NEB: variants seen among roughly 807,000 people sequenced by gnomAD.
NEB encodes nebulin, also known as nemaline myopathy type 2.
Under a neutral mutation model 952.2 loss-of-function variants are expected in NEB, and 512 were observed. That is an observed-to-expected ratio of 0.54 (90% confidence interval 0.50 to 0.58). The LOEUF (loss-of-function observed/expected upper bound fraction) is 0.58, where lower values mean the gene tolerates loss of function less well. Ranked by LOEUF, NEB falls within the 20% of genes least tolerant of loss-of-function variation. NEB has a pLI of 0.00. For synonymous variants in NEB, 2,900 were observed against 3,149.8 expected (o/e 0.92, Z 2.66); for missense variants, 8,428 against 9,231.1 (o/e 0.91, Z 3.56).
chr2:151,702,169 A>T, intron 13 of NEB, among the ~76,000 whole-genome samples: 1 of 145,198 alleles, frequency 6.9e-6, no homozygotes, highest in African/African-American at 2.5e-5. Context: ...CATGTAGTTG[A>T]GCGGTTTTGA....
chr2:151,512,779 G>A lies in NEB; in HGVS notation c.23300C>T (p.Thr7767Ile). ...EKANFTSVVD[T>I]PEIIHAQQVK... ...TTGTTGGGCATGAATGATCTCTGGA[G>A]TATCAACCACAGAAGTGAAATTGGC... is the stretch of plus-strand genomic sequence containing the variant. The change falls in exon 161 of 182, where the codon ACT becomes ATT. Residue 7767 changes from threonine to isoleucine, a missense_variant. Around this residue, in one of 11 missense-constraint regions of NEB, gnomAD observed 3,374 missense variants for 3,651.5 expected, o/e 0.92. Coordinates refer to ENST00000397345, the MANE Select transcript of NEB (RefSeq NM_001164508.2). The A allele has an allele frequency of 6.2e-7, 1 of 1,613,892 alleles. No homozygotes were observed. The highest frequency in any genetic ancestry group is 8.5e-7 in the Non-Finnish European group (1 of 1,179,816).
At position 151,618,274 on chromosome 2, in the gene NEB, C is replaced by T. The variant is rs1460365350; in HGVS notation, c.11076+1G>A. 1.9e-6 allele frequency: 3 copies of T among 1,613,394 alleles called. No individual in the cohort carries two copies. The highest frequency in any genetic ancestry group is 1.7e-6 in the Non-Finnish European group (2 of 1,179,514). On this transcript the variant is annotated splice_donor_variant, in intron 74 of 181. Transcript: ENST00000397345. LOFTEE classifies it high-confidence loss of function. ...TCTAACAGTGAGGATTGAAGACTCA[C>T]CTTATTCATGTTTAAAGCATTGTTT...
intron 102 of NEB, 41 bp from the exon 103 acceptor site, chr2:151,581,628 T>A (rs1332872606): frequency 7.9e-7 from 1 of 1,266,404 alleles, no homozygotes; most frequent in East Asian, 2.6e-5. Flanking sequence ...AATTAGTAAA[T>A]AAGTCAATTA....
chr2:151,698,408 T>A (rs939412426), intron 13 of NEB, among the ~76,000 whole-genome samples: 2 of 151,984 alleles, frequency 1.3e-5, no homozygotes, highest in Admixed American at 6.5e-5. Flanking sequence ...TGCCAAGGCC[T>A]GGAAAGAAGG....
intron 38 of NEB, among the ~76,000 whole-genome samples, chr2:151,670,623 G>C (rs1289512228): frequency 6.6e-6 from 1 of 152,182 alleles, no homozygotes; most frequent in Non-Finnish European, 1.5e-5. Flanking sequence ...GCTATTATGC[G>C]AGGGGATTAG....
At chr2:151,641,913 A>G (rs942575955) in intron 60 of NEB, among the ~76,000 whole-genome samples, 5 of 152,188 alleles carry the variant, frequency 3.3e-5, no homozygotes. Flanking sequence ...TGCTGCACCC[A>G]TTAACTGATC....
intron 107 of NEB, among the ~76,000 whole-genome samples, chr2:151,573,485 G>A (rs1318487711): frequency 2.0e-5 from 3 of 152,116 alleles, no homozygotes; most frequent in Non-Finnish European, 4.4e-5. Flanking sequence ...ACAAGAATGC[G>A]CTGCACCATG....
chr2:151,556,852 G>C lies in NEB; in HGVS notation c.19315-1808C>G, dbSNP rs142173574. Among the ~76,000 whole-genome samples the C allele has an allele frequency of 8.5e-5, 13 of 152,178 alleles. No homozygotes were observed. The East Asian group carries it at 2.5e-3, about 29-fold the overall frequency. On this transcript the variant is annotated intron_variant, in intron 124 of 181. Coordinates refer to ENST00000397345, the MANE Select transcript of NEB (RefSeq NM_001164508.2). ...CAGGACTTGAACTCAGAATCTCTGG[G>C]ACACATTTAAAGCAGTGTGTAGAGG...
intron 131 of NEB, 132 bp from the exon 132 acceptor site, chr2:151,547,870 T>A: frequency 1.5e-6 from 1 of 663,112 alleles, no homozygotes; most frequent in Non-Finnish European, 2.6e-6. Flanking sequence ...ATGATTGAGA[T>A]TAGGAAAAAA....
Position 151,497,393 on chromosome 2 carries a change from T to TAA in NEB, c.24300+231_24300+232dup, listed in dbSNP as rs1488196784. On this transcript the variant is annotated intron_variant, in intron 171 of 181. Transcript: ENST00000397345. ...ACACAAACTGAAAAACTCATTATTT[T>TAA]AAAAAAAAGATTGAAAATACCAGAT... 4 of 978,428 alleles carry TAA rather than the reference T, an allele frequency of 4.1e-6. No individual in the cohort carries two copies. In the Admixed American group the frequency reaches 1.8e-4, roughly 45 times the overall value. 60.6% of individuals were successfully genotyped at this position (978,428 alleles called of 1,614,324 possible). A position where few individuals can be genotyped will look rare whatever the true frequency, so the allele number is the denominator to read the frequency against.
rs755294228 is a variant in NEB at position 151,508,057 on chromosome 2, A to C, written c.23399T>G (p.Leu7800Trp). Residue 7800 changes from leucine (L) to tryptophan (W), a missense_variant, in exon 162 of 182, where the codon TTG (leucine) becomes TGG (tryptophan). Physicochemically the swap from Leu to Trp is moderately conservative, Grantham distance 61 (BLOSUM62 -2). Coordinates refer to ENST00000397345, the MANE Select transcript of NEB (RefSeq NM_001164508.2). ...EKSMSYYETV[L>W]DTPEIQRVRE... ...GACTCTCTGTATCTCTGGGGTGTCC[A>C]AAACAGTCTCATAATACGACATGGA... 1.9e-6 allele frequency: 3 copies of C among 1,611,164 alleles called. No individual in the cohort carries two copies. The highest frequency in any genetic ancestry group is 2.5e-6 in the Non-Finnish European group (3 of 1,178,634).
At chr2:151,674,802 AG>A (rs2099346328) in intron 35 of NEB, among the ~76,000 whole-genome samples, 1 of 152,138 alleles carries the variant, frequency 6.6e-6, no homozygotes, top group South Asian at 2.1e-4. Context: ...TATTGAAGAG[AG>A]GAATATTGAA....
intron 121 of NEB, among the ~76,000 whole-genome samples, chr2:151,561,578 T>C (rs1164773935): frequency 6.6e-6 from 1 of 151,838 alleles, no homozygotes; most frequent in East Asian, 1.9e-4. Flanking sequence ...CTCACTTTTT[T>C]TTTTTTTTGG....
At chr2:151,636,143 A>C in intron 64 of NEB, 84 bp downstream of exon 64, 1 of 1,166,606 alleles carries the variant, frequency 8.6e-7, no homozygotes, top group Non-Finnish European at 1.2e-6. Context: ...TCAAAGGTCC[A>C]GGAAAAGTTC....
chr2:151,502,917 T>C, intron 166 of NEB, 32 bp from the exon 167 acceptor site: 1 of 1,328,958 alleles, frequency 7.5e-7, no homozygotes, highest in Admixed American at 1.9e-5. Context: ...CCAGAGGACA[T>C]TTAAAACAGG....
chr2:151,732,316 C>T (rs987291132), intron 3 of NEB, among the ~76,000 whole-genome samples: 2 of 151,394 alleles, frequency 1.3e-5, no homozygotes, highest in Non-Finnish European at 3.0e-5. Context: ...AAGCTAAAGG[C>T]AAGAGCCGGT....
rs1172229452 is a variant in NEB at position 151,667,927 on chromosome 2, G to A, written c.4612-16C>T. The A allele has an allele frequency of 1.9e-6, 3 of 1,581,100 alleles. No homozygotes were observed. The highest frequency in any genetic ancestry group is 2.6e-6 in the Non-Finnish European group (3 of 1,155,416). On this transcript the variant is annotated splice_polypyrimidine_tract_variant and intron_variant, in intron 39 of 181. Coordinates refer to ENST00000397345, the MANE Select transcript of NEB (RefSeq NM_001164508.2). Reference sequence around the variant, plus strand: ...TATAATGAGCCTTCAAAAAAGTAGAGGTTATTTTATTATTTGACATCATTA... The same window carrying A: ...TATAATGAGCCTTCAAAAAAGTAGAAGTTATTTTATTATTTGACATCATTA...
rs199862790 is a variant in NEB at position 151,659,120 on chromosome 2, A to G, written c.6020T>C (p.Met2007Thr). 2.2e-4 allele frequency: 353 copies of G among 1,613,226 alleles called. 2 individuals carry two copies. In the South Asian group the frequency reaches 3.6e-3, roughly 16 times the overall value. The change falls in exon 47 of 182, where the codon ATG (methionine) becomes ACG (threonine). Residue 2007 changes from methionine to threonine, a missense_variant. Met to Thr is a moderately conservative substitution (Grantham distance 81). Around this residue, in one of 11 missense-constraint regions of NEB, gnomAD observed 2,851 missense variants for 2,791.5 expected, o/e 1.02. Transcript: ENST00000397345. ...WEADKTKVHI[M>T]PDIPQIILAK... is the part of the protein sequence containing the mutation. ...CAAAATAATCTGGGGGATATCAGGCATGATGTGGACTTTGGTTTTGTCAGC... is the reference window on the plus strand; with the variant it reads ...CAAAATAATCTGGGGGATATCAGGCGTGATGTGGACTTTGGTTTTGTCAGC...
chr2:151,658,158 A>G (rs2099106876), intron 47 of NEB, 68 bp from the exon 48 acceptor site: 8 of 1,161,426 alleles, frequency 6.9e-6, no homozygotes, highest in African/African-American at 1.6e-5. Context: ...TTAGAAGAGT[A>G]AACTACCACT....
Sources: allele counts gnomAD v4.1 joint callset (sites outside exome capture counted in the v4.1 genomes callset), GRCh38; gene constraint gnomAD v4.1.1; regional missense constraint gnomAD v4.1.1; transcripts MANE v1.5; gene names NCBI Gene and HGNC (gene_info 2026-07-23, HGNC 2026-07-21).